The following MYT1L variants were observed in gnomAD, a reference collection of about 807,000 sequenced individuals.
MYT1L encodes the protein myelin transcription factor 1 like.
Under a neutral mutation model 126.7 loss-of-function variants are expected in MYT1L, and 12 were observed. That is an observed-to-expected ratio of 0.09 (90% CI 0.06 to 0.15). MYT1L has a LOEUF of 0.15. Ranked by LOEUF, MYT1L falls within the 10% of genes least tolerant of loss-of-function variation. The probability of loss-of-function intolerance (pLI) is 1.00; values close to 1 mark genes in which losing one functional copy is unlikely to be tolerated. For missense variants in MYT1L, 979 were observed against 1,585.2 expected, an observed-to-expected ratio of 0.62 and a Z score of 6.49; for synonymous variants, 541 against 604.2, an observed-to-expected ratio of 0.90 and a Z score of 1.53.
chr2:2,321,361 C>T (rs1017879520), intron 1 of MYT1L, among the ~76,000 whole-genome samples: 11 of 152,300 alleles, frequency 7.2e-5, no homozygotes, highest in South Asian at 2.1e-4. Context: ...GGGTGCCCTG[C>T]AGACTCGCTT....
At chr2:2,321,931 A>C (rs2096174420) in intron 1 of MYT1L, among the ~76,000 whole-genome samples, 1 of 152,194 alleles carries the variant, frequency 6.6e-6, no homozygotes, top group African/African-American at 2.4e-5. Flanking sequence ...ATGAGTGCAC[A>C]AACACATCTA....
chr2:2,304,465 C>G (rs908133201), intron 1 of MYT1L, among the ~76,000 whole-genome samples: 4 of 152,142 alleles, frequency 2.6e-5, no homozygotes, highest in Non-Finnish European at 5.9e-5. Flanking sequence ...TAGTCCACAC[C>G]AAGTGTCTTG....
At chr2:2,023,913 C>A (rs1410040791) in intron 4 of MYT1L, among the ~76,000 whole-genome samples, 1 of 152,120 alleles carries the variant, frequency 6.6e-6, no homozygotes, top group Non-Finnish European at 1.5e-5. Context: ...GGATTAGGCA[C>A]CTTTGAAATT....
chr2:2,046,932 G>A (rs535281483), intron 4 of MYT1L, among the ~76,000 whole-genome samples: 41 of 152,274 alleles, frequency 2.7e-4, no homozygotes, highest in African/African-American at 9.4e-4. Flanking sequence ...GGAAGTTATG[G>A]TGTCATGAGT....
Position 2,176,376 on chromosome 2 carries a change from T to C in MYT1L, c.-420-3388A>G, listed in dbSNP as rs73913239. ...TACATATTTGTGGGATGGCTTCAAT[T>C]ATTTGGAACATTGGAAAGTATTTTT... On this transcript the variant is annotated intron_variant, in intron 2 of 24. Transcript: ENST00000647738. Among the ~76,000 whole-genome samples, 1,330 of 152,314 alleles carry C rather than the reference T, an allele frequency of 8.7e-3. 19 individuals carry two copies. Among genetic ancestry groups the C allele is most frequent in the African/African-American group, 0.027 (1,103 of 41,558 alleles).
chr2:2,229,747 C>T (rs550921866), intron 2 of MYT1L, among the ~76,000 whole-genome samples: 1 of 152,130 alleles, frequency 6.6e-6, no homozygotes, highest in South Asian at 2.1e-4. Flanking sequence ...ATCTCTAAAC[C>T]TTATGCCAAC....
chr2:1,840,979 C>CTGCA (rs2041604709), intron 19 of MYT1L, 136 bp from the exon 20 acceptor site: 1 of 608,200 alleles, frequency 1.6e-6, no homozygotes, highest in African/African-American at 2.0e-5. Context: ...TCTCGGCTCA[C>CTGCA]TGCAAGCTCC....
intron 4 of MYT1L, among the ~76,000 whole-genome samples, chr2:2,001,237 C>CTTTTTTTTTTTTTTTTT (rs11389323): frequency 1.8e-4 from 19 of 103,882 alleles, no homozygotes; most frequent in East Asian, 5.9e-4. Flanking sequence ...TTGGTTTTAG[C>CTTTTTTTTTTTTTTTTT]TTTTTTTTTT....
intron 1 of MYT1L, among the ~76,000 whole-genome samples, chr2:2,300,867 G>A (rs75686263): frequency 0.017 from 2,598 of 152,184 alleles, 33 homozygotes; most frequent in Non-Finnish European, 0.024. Flanking sequence ...CTGTGTGCTC[G>A]TCTTCTACTC....
chr2:2,118,947 T>C (rs1301737472), intron 3 of MYT1L, among the ~76,000 whole-genome samples: 1 of 152,266 alleles, frequency 6.6e-6, no homozygotes, highest in African/African-American at 2.4e-5. Context: ...GAGCTCTCTG[T>C]ATAAATGACA....
intron 22 of MYT1L, among the ~76,000 whole-genome samples, chr2:1,805,341 C>T (rs114821180): frequency 0.014 from 2,085 of 152,292 alleles, 44 homozygotes; most frequent in African/African-American, 0.046. Context: ...CAGTGGATTC[C>T]GGTGGCTTCT....
At chr2:2,144,838 C>T (rs145282302) in intron 3 of MYT1L, among the ~76,000 whole-genome samples, 7 of 152,322 alleles carry the variant, frequency 4.6e-5, no homozygotes, top group Admixed American at 3.9e-4. Flanking sequence ...ATCCCGTTTA[C>T]AACGTCCACA....
intron 2 of MYT1L, among the ~76,000 whole-genome samples, chr2:2,278,174 T>A (rs1437767062): frequency 6.6e-6 from 1 of 152,202 alleles, no homozygotes; most frequent in Non-Finnish European, 1.5e-5. Context: ...CACTAATGGG[T>A]GGCCTACATG....
chr2:1,809,226 G>A, intron 21 of MYT1L, 59 bp from the exon 22 acceptor site: 1 of 1,519,310 alleles, frequency 6.6e-7, no homozygotes, highest in Non-Finnish European at 9.1e-7. Flanking sequence ...GCCCTGCAGG[G>A]AAGTGGTGGT....
intron 2 of MYT1L, among the ~76,000 whole-genome samples, chr2:2,248,369 G>T (rs1052501759): frequency 5.3e-5 from 8 of 152,000 alleles, no homozygotes; most frequent in African/African-American, 1.9e-4. Context: ...AACAAGTAAT[G>T]AGATAAAAGC....
chr2:1,797,483 G>T (rs1442675229), intron 23 of MYT1L, among the ~76,000 whole-genome samples: 1 of 152,182 alleles, frequency 6.6e-6, no homozygotes, highest in Non-Finnish European at 1.5e-5. Flanking sequence ...GCCTCCCAAA[G>T]TGCTGGGATT....
At chr2:2,190,154 C>G (rs966293912) in intron 2 of MYT1L, among the ~76,000 whole-genome samples, 2 of 152,088 alleles carry the variant, frequency 1.3e-5, no homozygotes, top group Non-Finnish European at 2.9e-5. Flanking sequence ...TATTTATTTA[C>G]TTTTCCTCTT....
At chr2:1,840,321 G>A (rs73913435) in intron 20 of MYT1L, among the ~76,000 whole-genome samples, 6,686 of 152,162 alleles carry the variant, frequency 0.044, 484 homozygotes, top group African/African-American at 0.15. Flanking sequence ...AGTGTCCACT[G>A]CAGCCCCAAG....
chr2:1,831,206 A>G (rs2040130934), intron 21 of MYT1L, among the ~76,000 whole-genome samples: 2 of 148,854 alleles, frequency 1.3e-5, no homozygotes, highest in South Asian at 4.3e-4. Context: ...TGCTCCGAGG[A>G]CCCCTGGCTC....
Sources: gnomAD v4.1 joint callset for allele counts (sites outside exome capture counted in the v4.1 genomes callset) on GRCh38, gnomAD v4.1.1 for gene constraint, MANE v1.5 for transcripts, NCBI Gene and HGNC (gene_info 2026-07-23, HGNC 2026-07-21) for gene names.